The following PCDHGB5 variants were observed in gnomAD, a reference collection of about 807,000 sequenced individuals.
The protein encoded by PCDHGB5 is protocadherin gamma-B5.
In PCDHGB5, 48 loss-of-function variants were observed where a neutral mutation model predicts 62.9. The ratio of observed to expected loss-of-function variants is 0.76; its 90% CI spans 0.61 to 0.97. PCDHGB5 has a LOEUF of 0.97. Ranked by LOEUF, PCDHGB5 falls within the 50% of genes least tolerant of loss-of-function variation. The probability of loss-of-function intolerance (pLI) is 0.00; values close to 1 mark genes in which losing one functional copy is unlikely to be tolerated. For missense variants in PCDHGB5, 1,118 were observed against 1,198.6 expected (o/e 0.93, Z 0.99); for synonymous variants, 474 against 511.2 (o/e 0.93, Z 0.98).
Position 141,489,161 on chromosome 5 carries a change from A to T in PCDHGB5, c.2398-5646A>T. ...GCTGGAAGGAGACATAAGAGACTTC[A>T]GCTGCTGCATTCCAAGCCCTGGGTC... On this transcript the variant is annotated intron_variant, in intron 1 of 3. Coordinates refer to ENST00000617380, the MANE Select transcript of PCDHGB5 (RefSeq NM_018925.3). The surrounding 1 kb of genome is among the most constrained non-coding windows in gnomAD (Gnocchi z 4.5). 1.9e-6 allele frequency: 2 copies of T among 1,040,278 alleles called. No individual in the cohort carries two copies. The highest frequency in any genetic ancestry group is 2.8e-6 in the Non-Finnish European group (2 of 709,676). 64.4% of individuals were successfully genotyped at this position (1,040,278 alleles called of 1,614,324 possible).
intron 1 of PCDHGB5, chr5:141,403,193 A>G (rs1291009856): frequency 1.9e-6 from 3 of 1,613,986 alleles, no homozygotes; most frequent in South Asian, 2.2e-5. Context: ...GAACCCGCGC[A>G]GCGGCACCTT....
At chr5:141,424,682 C>A (rs1421088073) in intron 1 of PCDHGB5, 1 of 152,062 alleles carries the variant, frequency 6.6e-6, no homozygotes, top group Non-Finnish European at 1.5e-5. Flanking sequence ...AGCTAGTATC[C>A]TTCTGGCTAT....
At chr5:141,416,010 A>T (rs968655183) in intron 1 of PCDHGB5, 5 of 245,908 alleles carry the variant, frequency 2.0e-5, no homozygotes, top group Non-Finnish European at 3.0e-5. Flanking sequence ...TGGTAAGAAT[A>T]GGTAAGTATC....
rs61612330 is a variant in PCDHGB5 at position 141,454,796 on chromosome 5, A to ATTTTTTTTTT, written c.2398-39991_2398-39982dup. Among the ~76,000 whole-genome samples, 264 of 77,454 alleles carry ATTTTTTTTTT rather than the reference A, an allele frequency of 3.4e-3. 39 individuals carry two copies. Among genetic ancestry groups the ATTTTTTTTTT allele is most frequent in the African/African-American group, 0.012 (196 of 16,878 alleles). 50.8% of individuals were successfully genotyped at this position (77,454 alleles called of 152,430 possible). A position where few individuals can be genotyped will look rare whatever the true frequency, so the allele number is the denominator to read the frequency against. ...AAGGAAATAATCCTCCATGGTTCTA[A>ATTTTTTTTTT]TTTTTTTTTTTTTTTTTTTTTTTTT... On this transcript the variant is annotated intron_variant, in intron 1 of 3. Transcript: ENST00000617380.
intron 1 of PCDHGB5, among the ~76,000 whole-genome samples, chr5:141,457,912 C>T (rs991917175): frequency 1.3e-5 from 2 of 152,120 alleles, no homozygotes; most frequent in African/African-American, 4.8e-5. Context: ...GGTGTGAGGC[C>T]AGTTCTCCCC....
chr5:141,420,042 A>T, intron 1 of PCDHGB5: 2 of 1,614,048 alleles, frequency 1.2e-6, no homozygotes, highest in Non-Finnish European at 8.5e-7. Context: ...GACTGCTTTG[A>T]GTCAGTTCTC....
chr5:141,477,158 A>G lies in PCDHGB5; in HGVS notation c.2398-17649A>G, dbSNP rs1476516538. 1.2e-6 allele frequency: 2 copies of G among 1,614,154 alleles called. No individual in the cohort carries two copies. Among genetic ancestry groups the G allele is most frequent in the Non-Finnish European group, 1.7e-6 (2 of 1,180,018 alleles). ...GGTGGAGGTTGTGGATGTGAATGACAACGCCCCGGAGATCACAGTCACCTC... is the reference window on the plus strand; with the variant it reads ...GGTGGAGGTTGTGGATGTGAATGACGACGCCCCGGAGATCACAGTCACCTC... On this transcript the variant is annotated intron_variant, in intron 1 of 3. Coordinates refer to ENST00000617380, the MANE Select transcript of PCDHGB5 (RefSeq NM_018925.3). This position sits in a 1 kb window ranked among gnomAD's most constrained non-coding sequence, Gnocchi z 4.9.
chr5:141,476,726 C>T lies in PCDHGB5; in HGVS notation c.2398-18081C>T. On this transcript the variant is annotated intron_variant, in intron 1 of 3. Coordinates refer to ENST00000617380, the MANE Select transcript of PCDHGB5 (RefSeq NM_018925.3). This position sits in a 1 kb window ranked among gnomAD's most constrained non-coding sequence, Gnocchi z 7.6. ...GCTGGTGTTGGAGCGCGCCCTGGAC[C>T]GAGAACGGGAGCCTAGTCTCCAGTT... The T allele has an allele frequency of 6.2e-7, 1 of 1,614,116 alleles. No homozygotes were observed. The highest frequency in any genetic ancestry group is 8.5e-7 in the Non-Finnish European group (1 of 1,180,028).
intron 1 of PCDHGB5, among the ~76,000 whole-genome samples, chr5:141,472,508 C>T (rs140607073): frequency 0.01 from 1,548 of 151,922 alleles, 35 homozygotes; most frequent in African/African-American, 0.035. Flanking sequence ...CCACTGCACT[C>T]CAGCCTGGGT....
At chr5:141,420,406 T>C (rs2096494414) in intron 1 of PCDHGB5, 1 of 1,241,672 alleles carries the variant, frequency 8.1e-7, no homozygotes, top group Non-Finnish European at 1.1e-6. Context: ...AATTTATGGT[T>C]ATCATTATTA....
At chr5:141,463,526 A>G (rs989086820) in intron 1 of PCDHGB5, among the ~76,000 whole-genome samples, 1 of 131,914 alleles carries the variant, frequency 7.6e-6, no homozygotes, top group Non-Finnish European at 1.5e-5. Flanking sequence ...TCGGCTTACT[A>G]GAAACTCCGG....
At chr5:141,427,972 C>T (rs1368719718) in intron 1 of PCDHGB5, 1 of 1,593,948 alleles carries the variant, frequency 6.3e-7, no homozygotes, top group South Asian at 1.1e-5. Flanking sequence ...GTGCTGTACC[C>T]CGCGCTGGGG....
rs372479779 is a variant in PCDHGB5, at chr5:141,399,808, C to T, written c.1681C>T (p.Pro561Ser). Residue 561 changes from proline (P) to serine (S), a missense_variant, in exon 1 of 4, where the codon CCC becomes TCC. By Grantham distance (74) the Pro-to-Ser change is moderately conservative (BLOSUM62 -1). Coordinates refer to ENST00000617380, the MANE Select transcript of PCDHGB5 (RefSeq NM_018925.3). The stretch of plus-strand genomic sequence containing the variant: ...CGACAACGCACCGCGGGTGCTGTAC[C>T]CCGCGCTGGGTCCCGACGGCTCTGC... ...RNDNAPRVLYPALGPDGSALF... is the reference protein window; with the variant it reads ...RNDNAPRVLYSALGPDGSALF... 72 of 1,613,090 alleles carry T rather than the reference C, an allele frequency of 4.5e-5. No homozygotes were observed. The highest frequency in any genetic ancestry group is 6.0e-5 in the Non-Finnish European group (71 of 1,179,762).
chr5:141,403,969 T>G (rs1437416293), intron 1 of PCDHGB5: 1 of 1,613,690 alleles, frequency 6.2e-7, no homozygotes, highest in African/African-American at 1.3e-5. Context: ...CGGTGGAAGA[T>G]GTAAATGACA....
chr5:141,481,085 A>T (rs1200522212), intron 1 of PCDHGB5, among the ~76,000 whole-genome samples: 1 of 152,192 alleles, frequency 6.6e-6, no homozygotes, highest in African/African-American at 2.4e-5. Flanking sequence ...AAGAAAAAAG[A>T]AAAGCAGTAC....
intron 1 of PCDHGB5, chr5:141,478,214 C>T (rs1258200424): frequency 6.2e-7 from 1 of 1,614,140 alleles, no homozygotes; most frequent in Admixed American, 1.7e-5. Flanking sequence ...TTCTCTAATC[C>T]TGGTTTCTGT....
intron 1 of PCDHGB5, chr5:141,403,625 A>G (rs2094436092): frequency 6.2e-7 from 1 of 1,613,818 alleles, no homozygotes; most frequent in African/African-American, 1.3e-5. Context: ...TCGCTCCAGC[A>G]CAGTGCGCAT....
chr5:141,491,047 G>A lies in PCDHGB5; in HGVS notation c.2398-3760G>A, dbSNP rs751761240. On this transcript the variant is annotated intron_variant, in intron 1 of 3. Coordinates refer to ENST00000617380, the MANE Select transcript of PCDHGB5 (RefSeq NM_018925.3). The surrounding 1 kb of genome is among the most constrained non-coding windows in gnomAD (Gnocchi z 6.9). Reference sequence around the variant, plus strand: ...CGTGGATGCTGATGCAGGCCACAATGCGTGGCTCTCCTACTCACTGTTGCC... The same window carrying A: ...CGTGGATGCTGATGCAGGCCACAATACGTGGCTCTCCTACTCACTGTTGCC... 4 of 1,614,054 alleles carry A rather than the reference G, an allele frequency of 2.5e-6. No homozygotes were observed. Among genetic ancestry groups the A allele is most frequent in the Non-Finnish European group, 3.4e-6 (4 of 1,180,034 alleles).
intron 1 of PCDHGB5, chr5:141,442,197 A>G (rs1267971703): frequency 1.3e-5 from 2 of 153,426 alleles, no homozygotes; most frequent in African/African-American, 4.8e-5. Context: ...ATTAATTTAT[A>G]TCTGGTGATT....
Sources: gnomAD v4.1 joint callset for allele counts (sites outside exome capture counted in the v4.1 genomes callset) on GRCh38, gnomAD v4.1.1 for gene constraint, Gnocchi (gnomAD v3.1) non-coding constraint, MANE v1.5 for transcripts, NCBI Gene and HGNC (gene_info 2026-07-23, HGNC 2026-07-21) for gene names.